The following PRKG2 variants were observed in gnomAD, a reference collection of about 807,000 sequenced individuals.
PRKG2 encodes the protein cGMP-dependent protein kinase 2.
A neutral mutation model predicts 97.2 loss-of-function variants in PRKG2; 33 were observed. That is an observed-to-expected ratio of 0.34 (90% CI 0.26 to 0.45). PRKG2 has a LOEUF of 0.45. Among genes scored for constraint, PRKG2 ranks in the 20% least tolerant of loss-of-function variants. The pLI is 1.00. For synonymous variants in PRKG2, 330 were observed against 321.8 expected, an observed-to-expected ratio of 1.03 and a Z score of -0.27; for missense variants, 638 against 900.0, an observed-to-expected ratio of 0.71 and a Z score of 3.73.
At chr4:81,107,582 G>A (rs925443538) in intron 15 of PRKG2, among the ~76,000 whole-genome samples, 2 of 151,892 alleles carry the variant, frequency 1.3e-5, no homozygotes, top group African/African-American at 2.4e-5. Flanking sequence ...GTGCAATCTC[G>A]GCTCACTGCA....
chr4:81,209,305 T>C (rs527525274), intron 1 of PRKG2, among the ~76,000 whole-genome samples: 1 of 152,274 alleles, frequency 6.6e-6, no homozygotes, highest in Non-Finnish European at 1.5e-5. Context: ...ACCAGAATCT[T>C]GGCTCTGGTC....
chr4:81,201,024 G>T (rs1317642417), intron 2 of PRKG2, among the ~76,000 whole-genome samples: 1 of 152,132 alleles, frequency 6.6e-6, no homozygotes, highest in Non-Finnish European at 1.5e-5. Flanking sequence ...CACAGGCATA[G>T]ACTCATTTTC....
intron 14 of PRKG2, among the ~76,000 whole-genome samples, chr4:81,111,880 C>T (rs1024180997): frequency 1.3e-5 from 2 of 152,156 alleles, no homozygotes; most frequent in African/African-American, 2.4e-5. Context: ...CCTCCACCTT[C>T]CTCAAACAAA....
rs147268613 is a variant in PRKG2 at position 81,176,313 on chromosome 4, T to C, written c.462-1354A>G. 2.1e-3 allele frequency among the ~76,000 whole-genome samples: 318 copies of C among 152,274 alleles called. 2 individuals carry two copies. Among genetic ancestry groups the C allele is most frequent in the Non-Finnish European group, 1.9e-3 (130 of 68,000 alleles). On this transcript the variant is annotated intron_variant, in intron 2 of 18. Transcript: ENST00000264399. The stretch of plus-strand genomic sequence containing the variant: ...AGAACAAATCTTAGGTCTGGACAAC[T>C]TTAAAATTTTATTTTCTTGGACTTA...
chr4:81,155,306 G>C (rs1016030733), intron 6 of PRKG2, among the ~76,000 whole-genome samples: 30 of 152,002 alleles, frequency 2.0e-4, no homozygotes, highest in African/African-American at 6.8e-4. Flanking sequence ...GAGCCGATGC[G>C]ATCAGCTGGA....
intron 18 of PRKG2, 88 bp from the exon 19 acceptor site, chr4:81,089,891 C>G: frequency 9.2e-7 from 1 of 1,089,434 alleles, no homozygotes; most frequent in South Asian, 1.5e-5. Flanking sequence ...TTTCAGAACA[C>G]TGATTTCATA....
At chr4:81,148,799 A>G in intron 9 of PRKG2, 85 bp downstream of exon 9, 1 of 1,164,272 alleles carries the variant, frequency 8.6e-7, no homozygotes, top group South Asian at 1.3e-5. Context: ...GTGATGAATG[A>G]GAAAACAGAT....
At chr4:81,091,544 A>G (rs977317433) in intron 18 of PRKG2, among the ~76,000 whole-genome samples, 1 of 152,016 alleles carries the variant, frequency 6.6e-6, no homozygotes, top group Non-Finnish European at 1.5e-5. Flanking sequence ...CGGCCTCCTA[A>G]AGTGCTAGGA....
intron 18 of PRKG2, among the ~76,000 whole-genome samples, chr4:81,091,742 T>G (rs1387912216): frequency 1.3e-5 from 2 of 152,134 alleles, no homozygotes; most frequent in African/African-American, 4.8e-5. Flanking sequence ...ATAAACTTAG[T>G]AGTATGTTGA....
chr4:81,093,436 T>A (rs1741800226), intron 17 of PRKG2, among the ~76,000 whole-genome samples: 1 of 149,604 alleles, frequency 6.7e-6, no homozygotes, highest in Admixed American at 6.7e-5. Flanking sequence ...TACTTTATCT[T>A]ACCCCCTTAG....
At chr4:81,208,324 C>T (rs1753789809) in intron 1 of PRKG2, among the ~76,000 whole-genome samples, 1 of 152,132 alleles carries the variant, frequency 6.6e-6, no homozygotes, top group South Asian at 2.1e-4. Flanking sequence ...TAACTAGAAA[C>T]AGGCAATTAA....
chr4:81,185,727 C>G (rs1186740106), intron 2 of PRKG2, among the ~76,000 whole-genome samples: 1 of 152,058 alleles, frequency 6.6e-6, no homozygotes, highest in Non-Finnish European at 1.5e-5. Flanking sequence ...TTCAGGAGAT[C>G]CATCTCACAT....
intron 3 of PRKG2, among the ~76,000 whole-genome samples, chr4:81,174,402 C>T (rs977595213): frequency 2.6e-5 from 4 of 151,958 alleles, no homozygotes; most frequent in Admixed American, 2.0e-4. Flanking sequence ...ATTAGAAGTG[C>T]AGATTCTTAA....
intron 15 of PRKG2, among the ~76,000 whole-genome samples, chr4:81,107,502 GTATT>G (rs959626911): frequency 5.9e-5 from 9 of 151,934 alleles, no homozygotes; most frequent in African/African-American, 1.4e-4. Context: ...AGTGAAGAGA[GTATT>G]TATTTATTTA....
intron 14 of PRKG2, among the ~76,000 whole-genome samples, chr4:81,119,827 A>C (rs909177446): frequency 6.6e-6 from 1 of 152,022 alleles, no homozygotes; most frequent in African/African-American, 2.4e-5. Flanking sequence ...GGCACCCGCC[A>C]CCATGCCCGG....
chr4:81,140,816 C>T, intron 11 of PRKG2, 147 bp from the exon 12 acceptor site: 1 of 576,234 alleles, frequency 1.7e-6, no homozygotes, highest in South Asian at 4.0e-5. Context: ...CAAGTGTACA[C>T]ACTTCCCTTT....
At position 81,166,967 on chromosome 4, in the gene PRKG2, C is replaced by A. The variant is rs545863481; in HGVS notation, c.912+194G>T. 1.7e-3 allele frequency among the ~76,000 whole-genome samples: 258 copies of A among 152,186 alleles called. 1 individual carries two copies. The highest frequency in any genetic ancestry group is 5.9e-3 in the African/African-American group (243 of 41,538). ...CATGCAAATCCAATTTCCTTTTATA[C>A]ATCTGAAGAGTTTAAACCTTTCTCC... On this transcript the variant is annotated intron_variant, in intron 6 of 18. Coordinates refer to ENST00000264399, the MANE Select transcript of PRKG2 (RefSeq NM_006259.3).
intron 2 of PRKG2, among the ~76,000 whole-genome samples, chr4:81,197,891 C>T (rs529331415): frequency 5.3e-5 from 8 of 152,250 alleles, no homozygotes; most frequent in African/African-American, 1.9e-4. Flanking sequence ...ATATTTATTG[C>T]ATTGGATGTA....
At chr4:81,142,648 T>C (rs1315676798) in intron 11 of PRKG2, 146 bp downstream of exon 11, 1 of 1,044,396 alleles carries the variant, frequency 9.6e-7, no homozygotes, top group Admixed American at 2.4e-5. Flanking sequence ...ATATACAGAG[T>C]GAAAAGTTTA....
Sources: allele counts gnomAD v4.1 joint callset (sites outside exome capture counted in the v4.1 genomes callset), GRCh38; gene constraint gnomAD v4.1.1; transcripts MANE v1.5; gene names NCBI Gene and HGNC (gene_info 2026-07-23, HGNC 2026-07-21).